The following SLC36A1 variants were observed in gnomAD, a reference collection of about 807,000 sequenced individuals.
SLC36A1 encodes the protein solute carrier family 36 member 1.
In SLC36A1, 30 loss-of-function variants were observed where a neutral mutation model predicts 47.5. The observed-to-expected ratio is 0.63, with a 90% CI of 0.47 to 0.86. SLC36A1 has a LOEUF of 0.86. Ranked by LOEUF, SLC36A1 falls within the 40% of genes least tolerant of loss-of-function variation. The pLI is 0.00. For synonymous variants in SLC36A1, 255 were observed against 249.7 expected, an observed-to-expected ratio of 1.02 and a Z score of -0.20; for missense variants, 517 against 606.0, an observed-to-expected ratio of 0.85 and a Z score of 1.54.
At chr5:151,487,927 G>A (rs1759779563) in intron 10 of SLC36A1, 56 bp from the exon 11 acceptor site, 2 of 1,595,188 alleles carry the variant, frequency 1.3e-6, no homozygotes, top group Non-Finnish European at 8.6e-7. Flanking sequence ...ACAGTAGGGA[G>A]ACAGACCTTT....
At chr5:151,361,893 T>G in the SLC36A1 span, among the ~76,000 whole-genome samples, 2 of 152,196 alleles carry the variant, frequency 1.3e-5, no homozygotes, top group African/African-American at 4.8e-5. Context: ...GAAAATGTTA[T>G]CCCATTGCCT....
At chr5:151,531,530 A>G in the SLC36A1 span, 1 of 1,599,726 alleles carries the variant, frequency 6.3e-7, no homozygotes, top group Middle Eastern at 2.3e-4. This position sits in a 1 kb window ranked among gnomAD's most constrained non-coding sequence, Gnocchi z 5.7. Context: ...GGAGGAACCC[A>G]GCGCTCCCAG....
chr5:151,475,271 C>G (rs1339053982), intron 8 of SLC36A1, among the ~76,000 whole-genome samples: 1 of 152,194 alleles, frequency 6.6e-6, no homozygotes, highest in Non-Finnish European at 1.5e-5. Context: ...TCTTGGGCAT[C>G]CTAAGGGACC....
chr5:151,353,023 C>A, the SLC36A1 span, among the ~76,000 whole-genome samples: 1 of 152,146 alleles, frequency 6.6e-6, no homozygotes, highest in East Asian at 1.9e-4. Flanking sequence ...AAATTAGAGT[C>A]CTGCCTTGGG....
intron 10 of SLC36A1, chr5:151,479,829 A>C (rs1758575217): frequency 3.8e-6 from 2 of 528,670 alleles, no homozygotes; most frequent in Admixed American, 7.3e-5. Context: ...CATATCTGTA[A>C]TGAGTATAAG....
At chr5:151,396,150 T>C in the SLC36A1 span, among the ~76,000 whole-genome samples, 2 of 150,572 alleles carry the variant, frequency 1.3e-5, no homozygotes, top group Non-Finnish European at 3.0e-5. Flanking sequence ...ATTATTATTA[T>C]CATACATATA....
At chr5:151,509,502 T>TGTCA in the SLC36A1 span, 1 of 153,394 alleles carries the variant, frequency 6.5e-6, no homozygotes, top group Non-Finnish European at 1.5e-5. Flanking sequence ...CTCCGCCTTC[T>TGTCA]GTCAGATCAC....
the SLC36A1 span, among the ~76,000 whole-genome samples, chr5:151,362,423 C>T: frequency 1.0e-3 from 140 of 137,424 alleles, 2 homozygotes; most frequent in East Asian, 0.03. Flanking sequence ...TGGAGTCTCA[C>T]TCTGCCTCCC....
At chr5:151,388,375 C>A in the SLC36A1 span, among the ~76,000 whole-genome samples, 1 of 152,022 alleles carries the variant, frequency 6.6e-6, no homozygotes, top group Admixed American at 6.6e-5. Context: ...TTGGCGCATG[C>A]CGGTAATCCC....
the SLC36A1 span, among the ~76,000 whole-genome samples, chr5:151,416,989 G>A: frequency 1.3e-5 from 2 of 152,150 alleles, no homozygotes; most frequent in African/African-American, 4.8e-5. Context: ...TGTGGAGAAG[G>A]TGCCTTGCTT....
the SLC36A1 span, among the ~76,000 whole-genome samples, chr5:151,420,972 G>A: frequency 4.0e-5 from 6 of 150,808 alleles, no homozygotes; most frequent in Admixed American, 1.3e-4. Flanking sequence ...CCAGGTTCAC[G>A]CCATTCTCCT....
chr5:151,541,710 G>A, the SLC36A1 span, among the ~76,000 whole-genome samples: 4 of 152,222 alleles, frequency 2.6e-5, no homozygotes, highest in East Asian at 5.8e-4. Context: ...GCAGCTTATA[G>A]GGTAGGGTTT....
chr5:151,549,384 G>T, the SLC36A1 span: 1 of 1,614,126 alleles, frequency 6.2e-7, no homozygotes, highest in African/African-American at 1.3e-5. Context: ...GGGGGCTATG[G>T]TGTCAGGAAC....
chr5:151,537,328 AG>A, the SLC36A1 span, among the ~76,000 whole-genome samples: 3 of 2,896 alleles, frequency 1.0e-3, no homozygotes, highest in South Asian at 0.021. Flanking sequence ...AGAGAAAAAA[AG>A]AAAGAAAAGA....
chr5:151,424,989 T>TA, the SLC36A1 span, among the ~76,000 whole-genome samples: 1 of 152,184 alleles, frequency 6.6e-6, no homozygotes, highest in African/African-American at 2.4e-5. Context: ...GTATAAAGGA[T>TA]ACCTCAACAA....
At chr5:151,425,066 G>A in the SLC36A1 span, among the ~76,000 whole-genome samples, 1 of 152,246 alleles carries the variant, frequency 6.6e-6, no homozygotes, top group African/African-American at 2.4e-5. Context: ...CTTACAAGCA[G>A]CAGAGCTGGG....
At chr5:151,376,878 C>T in the SLC36A1 span, among the ~76,000 whole-genome samples, 1 of 152,212 alleles carries the variant, frequency 6.6e-6, no homozygotes, top group Non-Finnish European at 1.5e-5. Flanking sequence ...GGTGATCCAC[C>T]TGCCTCGGCT....
chr5:151,406,996 T>C, the SLC36A1 span, among the ~76,000 whole-genome samples: 2,263 of 152,264 alleles, frequency 0.015, 72 homozygotes, highest in African/African-American at 0.052. Flanking sequence ...CTGCAGACCT[T>C]TGCAGTGAGT....
chr5:151,530,350 A>G, the SLC36A1 span, among the ~76,000 whole-genome samples: 59 of 152,298 alleles, frequency 3.9e-4, no homozygotes, highest in African/African-American at 1.3e-3. Context: ...AGCACTGTCA[A>G]CTAAACCTGA....
Sources: allele counts gnomAD v4.1 joint callset (sites outside exome capture counted in the v4.1 genomes callset), GRCh38; gene constraint gnomAD v4.1.1; non-coding constraint Gnocchi (gnomAD v3.1); transcripts MANE v1.5; gene names NCBI Gene and HGNC (gene_info 2026-07-23, HGNC 2026-07-21).